Variants in MYL10 observed in about 807,000 individuals in gnomAD.
The protein encoded by MYL10 is myosin light chain 10.
In MYL10, 18 loss-of-function variants were observed where a neutral mutation model predicts 21.9. The ratio of observed to expected loss-of-function variants is 0.82; its 90% CI spans 0.57 to 1.22. The LOEUF (loss-of-function observed/expected upper bound fraction) is 1.22. Among genes scored for constraint, MYL10 ranks in the 50% most tolerant of loss-of-function variants. MYL10 has a pLI of 0.00. For missense variants in MYL10, 225 were observed against 230.4 expected (o/e 0.98, Z 0.15); for synonymous variants, 88 against 82.8 (o/e 1.06, Z -0.34).
intron 5 of MYL10, among the ~76,000 whole-genome samples, chr7:101,616,691 G>A (rs1796613355): frequency 6.6e-6 from 1 of 152,204 alleles, no homozygotes. Flanking sequence ...CAGTGGTCTG[G>A]GTGAGGGGGC....
At chr7:101,626,978 G>A (rs562473403) in intron 1 of MYL10, among the ~76,000 whole-genome samples, 114 of 152,218 alleles carry the variant, frequency 7.5e-4, no homozygotes, top group South Asian at 5.0e-3. Context: ...ACAGAGTCAA[G>A]GTCACAGAAC....
chr7:101,618,639 G>A (rs1365545925), intron 5 of MYL10, among the ~76,000 whole-genome samples: 1 of 152,148 alleles, frequency 6.6e-6, no homozygotes, highest in Middle Eastern at 3.2e-3. Flanking sequence ...TCATCGTTGG[G>A]AATCTCATGA....
intron 1 of MYL10, 65 bp from the exon 2 acceptor site, chr7:101,624,329 C>G (rs1796720077): frequency 8.1e-7 from 1 of 1,236,648 alleles, no homozygotes; most frequent in Non-Finnish European, 1.2e-6. Flanking sequence ...CACCCCCTGT[C>G]TCACCTCCCA....
At chr7:101,620,207 C>T (rs1796661076) in intron 5 of MYL10, among the ~76,000 whole-genome samples, 1 of 152,110 alleles carries the variant, frequency 6.6e-6, no homozygotes, top group African/African-American at 2.4e-5. Context: ...TGCCTGTAAT[C>T]CCAGCTTCTT....
chr7:101,613,634 G>C, intron 7 of MYL10, 28 bp downstream of exon 7: 1 of 1,613,986 alleles, frequency 6.2e-7, no homozygotes, highest in South Asian at 1.1e-5. Context: ...CAGAGAATCC[G>C]CCGTGACCCA....
intron 1 of MYL10, among the ~76,000 whole-genome samples, chr7:101,628,082 CCATTA>C (rs1796767958): frequency 6.6e-6 from 1 of 152,186 alleles, no homozygotes; most frequent in African/African-American, 2.4e-5. Flanking sequence ...ATCAGGGTGT[CCATTA>C]AGCACCCCCA....
Position 101,613,546 on chromosome 7 carries a change from G to T in MYL10, c.610C>A (p.Pro204Thr). ...EVKQMFAAFP[P>T]DVCGNLDYRN... Reference sequence around the variant, plus strand: ...TAGTCCAGGTTGCCGCACACATCTGGGGGAAATGCTGCAAACATCTGCTTG... The same window carrying T: ...TAGTCCAGGTTGCCGCACACATCTGTGGGAAATGCTGCAAACATCTGCTTG... The change falls in exon 8 of 8, where the codon CCA becomes ACA. Residue 204 changes from proline (P) to threonine (T), a missense_variant. Physicochemically the swap from Pro to Thr is conservative, Grantham distance 38. Transcript: ENST00000223167. The T allele has an allele frequency of 6.2e-7, 1 of 1,614,122 alleles. No homozygotes were observed. The highest frequency in any genetic ancestry group is 8.5e-7 in the Non-Finnish European group (1 of 1,180,036).
chr7:101,615,877 T>A (rs1185793554), intron 6 of MYL10, among the ~76,000 whole-genome samples: 1 of 151,656 alleles, frequency 6.6e-6, no homozygotes, highest in Non-Finnish European at 1.5e-5. Flanking sequence ...TTTATTATTT[T>A]CAGTAGAGAT....
chr7:101,625,027 C>T (rs1204508452), intron 1 of MYL10, among the ~76,000 whole-genome samples: 2 of 152,122 alleles, frequency 1.3e-5, no homozygotes, highest in Admixed American at 6.5e-5. Context: ...ACTAAGTGGA[C>T]ATCTCAGGGG....
At chr7:101,614,630 C>G (rs958795935) in intron 6 of MYL10, among the ~76,000 whole-genome samples, 1 of 152,100 alleles carries the variant, frequency 6.6e-6, no homozygotes, top group Non-Finnish European at 1.5e-5. Flanking sequence ...CTCCCCAGGT[C>G]CCCAGGATGG....
intron 1 of MYL10, 79 bp from the exon 2 acceptor site, chr7:101,624,343 C>T: frequency 1.9e-6 from 2 of 1,048,406 alleles, no homozygotes; most frequent in Non-Finnish European, 1.4e-6. Flanking sequence ...CCTCCCAGGG[C>T]ATCACGGTCC....
intron 1 of MYL10, among the ~76,000 whole-genome samples, chr7:101,628,003 G>T (rs1480302473): frequency 2.0e-5 from 3 of 152,180 alleles, no homozygotes; most frequent in African/African-American, 7.2e-5. Flanking sequence ...TGAAACCCCC[G>T]GTCTGCTTAT....
chr7:101,622,166 G>T lies in MYL10; in HGVS notation c.384C>A (p.Ala128=). 1 of 1,613,240 alleles carries T rather than the reference G, an allele frequency of 6.2e-7. No individual in the cohort carries two copies. Among genetic ancestry groups the T allele is most frequent in the Non-Finnish European group, 8.5e-7 (1 of 1,179,512 alleles). The change falls in exon 5 of 8, where the codon GCC becomes GCA. Residue 128 remains alanine, a synonymous_variant. Coordinates refer to ENST00000223167, the MANE Select transcript of MYL10 (RefSeq NM_138403.5). ...TGGGTCCGGGGGCCTCCTTCACCAT[G>T]GCCTCCAGTTCCTCGTTCTTGACAT... is the stretch of plus-strand genomic sequence containing the variant. The part of the protein sequence containing the change: ...RINVKNEELE[A]MVKEAPGPIN...
At chr7:101,623,694 CAA>C (rs11337754) in intron 3 of MYL10, among the ~76,000 whole-genome samples, 738 of 66,540 alleles carry the variant, frequency 0.011, 5 homozygotes, top group African/African-American at 0.039. Flanking sequence ...GACCCTGTCT[CAA>C]AAAAAAAAAA....
intron 5 of MYL10, among the ~76,000 whole-genome samples, chr7:101,618,828 A>G (rs1371762770): frequency 6.6e-6 from 1 of 152,208 alleles, no homozygotes; most frequent in Non-Finnish European, 1.5e-5. Flanking sequence ...GCAGCCCTGC[A>G]GCCCACACCA....
chr7:101,625,435 C>T (rs1796732226), intron 1 of MYL10, among the ~76,000 whole-genome samples: 1 of 152,154 alleles, frequency 6.6e-6, no homozygotes, highest in South Asian at 2.1e-4. Flanking sequence ...CCACCAGCTC[C>T]TGTCTCCGTC....
intron 7 of MYL10, 39 bp from the exon 8 acceptor site, chr7:101,613,612 T>C (rs1020486922): frequency 6.2e-7 from 1 of 1,613,434 alleles, no homozygotes; most frequent in Non-Finnish European, 8.5e-7. Context: ...CCAGGCCAAG[T>C]GGGGGCCAGA....
intron 6 of MYL10, among the ~76,000 whole-genome samples, chr7:101,614,561 G>C (rs994834106): frequency 2.6e-5 from 4 of 152,184 alleles, no homozygotes; most frequent in African/African-American, 4.8e-5. Context: ...ACTGGTGAGA[G>C]AGAAAGTGGT....
At chr7:101,620,891 C>A (rs1035821171) in intron 5 of MYL10, among the ~76,000 whole-genome samples, 8 of 151,142 alleles carry the variant, frequency 5.3e-5, no homozygotes, top group African/African-American at 1.9e-4. Context: ...CAGGTTCAAG[C>A]GATTCTCCTG....
Sources: allele counts gnomAD v4.1 joint callset (sites outside exome capture counted in the v4.1 genomes callset), GRCh38; gene constraint gnomAD v4.1.1; transcripts MANE v1.5; gene names NCBI Gene and HGNC (gene_info 2026-07-23, HGNC 2026-07-21).